The following NBEA variants were observed in gnomAD, a reference collection of about 807,000 sequenced individuals.
NBEA encodes neurobeachin.
NBEA carries 44 observed loss-of-function variants against 343.4 expected under a neutral mutation model. That is an observed-to-expected ratio of 0.13 (90% CI 0.10 to 0.16). The LOEUF is 0.16. Among genes scored for constraint, NBEA ranks in the 10% least tolerant of loss-of-function variants. NBEA has a pLI of 1.00. For synonymous variants in NBEA, 1,175 were observed against 1,238.7 expected (o/e 0.95, Z 1.08); for missense variants, 2,555 against 3,631.3 (o/e 0.70, Z 7.62).
intron 36 of NBEA, among the ~76,000 whole-genome samples, chr13:35,343,136 A>G (rs1221062197): frequency 6.6e-6 from 1 of 152,128 alleles, no homozygotes; most frequent in African/African-American, 2.4e-5. Context: ...TTTCAAGGGA[A>G]AAATTGTTAG....
chr13:35,455,709 G>A (rs1358970951), intron 40 of NBEA, among the ~76,000 whole-genome samples: 2 of 152,066 alleles, frequency 1.3e-5, no homozygotes, highest in African/African-American at 2.4e-5. Context: ...AGACAGCTTT[G>A]TGTGCAGTAA....
At chr13:35,336,719 A>G (rs1177368947) in intron 36 of NBEA, among the ~76,000 whole-genome samples, 3 of 152,110 alleles carry the variant, frequency 2.0e-5, no homozygotes, top group Non-Finnish European at 4.4e-5. Flanking sequence ...CCTTTGCAAC[A>G]ACATGGATAG....
chr13:35,327,121 AAGC>A (rs2038616258), intron 36 of NBEA, among the ~76,000 whole-genome samples: 1 of 152,008 alleles, frequency 6.6e-6, no homozygotes, highest in Non-Finnish European at 1.5e-5. Context: ...TAAAATAAAA[AAGC>A]AGCAGGTGCT....
intron 10 of NBEA, among the ~76,000 whole-genome samples, chr13:35,076,571 C>T (rs2064127658): frequency 6.6e-6 from 1 of 151,920 alleles, no homozygotes; most frequent in Non-Finnish European, 1.5e-5. Context: ...TAATTTTTCT[C>T]TGTAAATTTT....
chr13:35,218,030 G>T (rs750878698), intron 33 of NBEA, among the ~76,000 whole-genome samples: 1 of 151,896 alleles, frequency 6.6e-6, no homozygotes, highest in Non-Finnish European at 1.5e-5. Flanking sequence ...AGTCTCAGTC[G>T]TGTCAACTCA....
intron 38 of NBEA, among the ~76,000 whole-genome samples, chr13:35,422,288 T>A (rs1311261054): frequency 3.4e-5 from 5 of 148,562 alleles, no homozygotes; most frequent in Non-Finnish European, 7.5e-5. Context: ...CCTAATGCTA[T>A]CCTTCCCCCC....
At chr13:35,293,503 A>G (rs933897633) in intron 35 of NBEA, among the ~76,000 whole-genome samples, 12 of 151,664 alleles carry the variant, frequency 7.9e-5, no homozygotes, top group African/African-American at 2.9e-4. Flanking sequence ...AAGTAAAAAA[A>G]TTAATATCAA....
rs182366771 is a variant in NBEA, at chr13:35,159,808, A to G, written c.3637A>G (p.Thr1213Ala). The G allele has an allele frequency of 6.0e-5, 96 of 1,611,452 alleles. 1 individual carries two copies. In the East Asian group the frequency reaches 2.0e-3, roughly 33 times the overall value. The change falls in exon 22 of 59, where the codon ACT becomes GCT. Residue 1213 changes from threonine to alanine, a missense_variant. By Grantham distance (58) the Thr-to-Ala change is moderately conservative. Coordinates refer to ENST00000379939, the MANE Select transcript of NBEA (RefSeq NM_001385012.1). ...IEEKEFKIHT[T>A]SDGMSSISER... ...AGAAAAAGAATTCAAAATCCATACA[A>G]CTTCAGATGGAATGAGCAGTATTTC...
chr13:35,624,059 T>G (rs1030031658), intron 48 of NBEA, among the ~76,000 whole-genome samples: 2 of 94,816 alleles, frequency 2.1e-5, no homozygotes, highest in Admixed American at 1.8e-4. Flanking sequence ...TGTGTGGGTG[T>G]GTGTGTGTGT....
chr13:35,291,963 C>T (rs2035828227), intron 35 of NBEA, among the ~76,000 whole-genome samples: 1 of 151,888 alleles, frequency 6.6e-6, no homozygotes, highest in African/African-American at 2.4e-5. Context: ...TAAAATAATT[C>T]AGTGTTTTTA....
Position 35,651,683 on chromosome 13 carries a change from T to G in NBEA, c.7964-122T>G. ...ACAGAGACACATAGTATCAGAACAATTTATCAAATCATTTTTAAGCAAATA... is the reference window on the plus strand; with the variant it reads ...ACAGAGACACATAGTATCAGAACAAGTTATCAAATCATTTTTAAGCAAATA... On this transcript the variant is annotated intron_variant, in intron 52 of 58. Transcript: ENST00000379939. The G allele has an allele frequency of 4.4e-6, 3 of 689,344 alleles. No individual in the cohort carries two copies. In the South Asian group the frequency reaches 5.1e-5, roughly 12 times the overall value. 42.7% of individuals were successfully genotyped at this position (689,344 alleles called of 1,614,324 possible). A position where few individuals can be genotyped will look rare whatever the true frequency, so the allele number is the denominator to read the frequency against.
chr13:35,561,156 G>A (rs1177607033), intron 44 of NBEA, among the ~76,000 whole-genome samples: 1 of 152,066 alleles, frequency 6.6e-6, no homozygotes, highest in Non-Finnish European at 1.5e-5. Flanking sequence ...TCTTATGATA[G>A]GGCATCCTTA....
chr13:35,016,364 G>C (rs573989939), intron 1 of NBEA, among the ~76,000 whole-genome samples: 1 of 152,074 alleles, frequency 6.6e-6, no homozygotes, highest in Non-Finnish European at 1.5e-5. Context: ...TAGAATCTGA[G>C]TATTACATCT....
At chr13:34,943,151 T>C (rs767808457) in intron 1 of NBEA, 37 bp downstream of exon 1, 5 of 1,607,424 alleles carry the variant, frequency 3.1e-6, no homozygotes, top group Non-Finnish European at 4.2e-6. Flanking sequence ...GCTTCCCCAG[T>C]CCCCACATAC....
At chr13:35,285,238 G>A (rs1200519533) in intron 34 of NBEA, among the ~76,000 whole-genome samples, 1 of 152,044 alleles carries the variant, frequency 6.6e-6, no homozygotes, top group Non-Finnish European at 1.5e-5. Flanking sequence ...ACATCAGCTT[G>A]GGAAAGTTGG....
At chr13:35,404,367 T>C (rs1002778510) in intron 38 of NBEA, among the ~76,000 whole-genome samples, 8 of 150,478 alleles carry the variant, frequency 5.3e-5, no homozygotes, top group East Asian at 2.0e-4. Flanking sequence ...TGTCCAACAA[T>C]GATAGACTGG....
chr13:35,427,295 G>A (rs1484162232), intron 38 of NBEA, among the ~76,000 whole-genome samples: 3 of 152,192 alleles, frequency 2.0e-5, no homozygotes, highest in East Asian at 1.9e-4. Context: ...TGATGGTGAC[G>A]TACAGATGGG....
intron 38 of NBEA, among the ~76,000 whole-genome samples, chr13:35,364,332 A>G (rs2040985253): frequency 6.6e-6 from 1 of 151,852 alleles, no homozygotes; most frequent in Admixed American, 6.6e-5. Context: ...TAGTTTGAAG[A>G]TGGGTTCTTC....
intron 18 of NBEA, among the ~76,000 whole-genome samples, chr13:35,148,119 C>A (rs1274390722): frequency 6.6e-6 from 1 of 152,098 alleles, no homozygotes; most frequent in African/African-American, 2.4e-5. Flanking sequence ...GGGACCTTGA[C>A]CCCAGCTGGT....
Sources: gnomAD v4.1 joint callset for allele counts (sites outside exome capture counted in the v4.1 genomes callset) on GRCh38, gnomAD v4.1.1 for gene constraint, MANE v1.5 for transcripts, NCBI Gene and HGNC (gene_info 2026-07-23, HGNC 2026-07-21) for gene names.